Variants in RBFOX1 observed in about 807,000 individuals in gnomAD.
RBFOX1 encodes the protein RNA binding fox-1 homolog 1.
A neutral mutation model predicts 57.7 loss-of-function variants in RBFOX1; 8 were observed. The observed-to-expected ratio is 0.14, with a 90% CI of 0.08 to 0.25. The LOEUF is 0.25. RBFOX1 is among the 10% of genes least tolerant of loss of function. The pLI, the probability that RBFOX1 is intolerant of heterozygous loss-of-function variation, is 1.00. For synonymous variants in RBFOX1, 326 were observed against 222.4 expected, an observed-to-expected ratio of 1.47 and a Z score of -4.15; for missense variants, 611 against 548.5, an observed-to-expected ratio of 1.11 and a Z score of -1.14.
At chr16:7,495,958 T>G (rs1289924076) in intron 4 of RBFOX1, among the ~76,000 whole-genome samples, 1 of 152,212 alleles carries the variant, frequency 6.6e-6, no homozygotes, top group Non-Finnish European at 1.5e-5. Flanking sequence ...AATTTATGTT[T>G]GAATCCTGTA....
At chr16:5,414,228 T>C (rs2067099743) in intron 1 of RBFOX1, among the ~76,000 whole-genome samples, 1 of 152,152 alleles carries the variant, frequency 6.6e-6, no homozygotes, top group Non-Finnish European at 1.5e-5. Flanking sequence ...CAGGTTTTTC[T>C]CTTGGTGTGG....
chr16:6,023,534 G>A (rs1328350617), intron 1 of RBFOX1, among the ~76,000 whole-genome samples: 4 of 152,158 alleles, frequency 2.6e-5, no homozygotes, highest in African/African-American at 7.2e-5. Context: ...GCTGATGTGT[G>A]GAGTAATGAA....
chr16:6,095,612 T>A (rs1185157639), intron 1 of RBFOX1, among the ~76,000 whole-genome samples: 1 of 152,144 alleles, frequency 6.6e-6, no homozygotes, highest in African/African-American at 2.4e-5. Context: ...TGATAAAGCC[T>A]CTGCCTGTGC....
In RBFOX1 at chr16:6,244,590, G is replaced by A. The variant is rs146607437; in HGVS notation, c.-126-72405G>A. Reference sequence around the variant, plus strand: ...GCGATCTCAGCTCACTGCAATGTTCGCCTCTTGGGTCCCAGTTCAAGCAAT... The same window carrying A: ...GCGATCTCAGCTCACTGCAATGTTCACCTCTTGGGTCCCAGTTCAAGCAAT... On this transcript the variant is annotated intron_variant, in intron 1 of 15. Coordinates refer to ENST00000550418, the MANE Select transcript of RBFOX1 (RefSeq NM_018723.4). Among the ~76,000 whole-genome samples the A allele has an allele frequency of 4.8e-3, 727 of 152,216 alleles. 37 individuals carry two copies. The highest frequency in any genetic ancestry group is 0.045 in the Admixed American group (685 of 15,280).
chr16:6,021,031 G>A lies in RBFOX1; in HGVS notation c.-127+1039G>A, dbSNP rs571482067. Among the ~76,000 whole-genome samples, 16 of 152,304 alleles carry A rather than the reference G, an allele frequency of 1.1e-4. No individual in the cohort carries two copies. In the South Asian group the frequency reaches 3.3e-3, roughly 32 times the overall value. ...ACCTGCTGGCACTGGAACATCTGGG[G>A]TGCGGCTACTGAAGAGCTTGGAAAT... On this transcript the variant is annotated intron_variant, in intron 1 of 15. Transcript: ENST00000550418.
chr16:7,579,800 G>A lies in RBFOX1; in HGVS notation c.294G>A (p.Thr98=), dbSNP rs372977736. ...AGCAGACAGATGACGCAGCACCGACGGATGGCCAGCCCCAGACACAACCTT... is the reference window on the plus strand; with the variant it reads ...AGCAGACAGATGACGCAGCACCGACAGATGGCCAGCCCCAGACACAACCTT... ...TATQTDDAAP[T]DGQPQTQPSE... is the part of the protein sequence containing the mutation. Residue 98 remains threonine, a synonymous_variant, in exon 6 of 16, where the codon ACG becomes ACA. Transcript: ENST00000550418. The A allele has an allele frequency of 1.9e-5, 30 of 1,614,062 alleles. No individual in the cohort carries two copies. Among genetic ancestry groups the A allele is most frequent in the East Asian group, 4.5e-5 (2 of 44,862 alleles).
At chr16:5,621,452 C>T (rs2048198997) in intron 3 of RBFOX1, among the ~76,000 whole-genome samples, 1 of 152,086 alleles carries the variant, frequency 6.6e-6, no homozygotes, top group Non-Finnish European at 1.5e-5. Flanking sequence ...CTTGACAATG[C>T]TCTGTGAAGT....
chr16:5,989,753 T>C (rs1242430353), intron 4 of RBFOX1, among the ~76,000 whole-genome samples: 2 of 151,616 alleles, frequency 1.3e-5, no homozygotes, highest in South Asian at 4.2e-4. Context: ...CTTATCTTGG[T>C]CATGAGAATG....
intron 13 of RBFOX1, among the ~76,000 whole-genome samples, chr16:7,674,867 G>A (rs542006035): frequency 6.6e-6 from 1 of 152,330 alleles, no homozygotes; most frequent in South Asian, 2.1e-4. Context: ...TAAGGCAGAA[G>A]GTGGAGGATA....
chr16:5,444,883 T>C (rs2068195539), intron 1 of RBFOX1, among the ~76,000 whole-genome samples: 1 of 152,210 alleles, frequency 6.6e-6, no homozygotes, highest in Non-Finnish European at 1.5e-5. Context: ...GTTTACTCTA[T>C]GCTGTTACTA....
intron 3 of RBFOX1, among the ~76,000 whole-genome samples, chr16:6,832,612 A>T (rs1055387567): frequency 6.6e-6 from 1 of 152,102 alleles, no homozygotes; most frequent in Non-Finnish European, 1.5e-5. Context: ...TTTCTAAGTT[A>T]TTTACCTTTT....
At chr16:6,335,276 T>C (rs140782065) in intron 2 of RBFOX1, among the ~76,000 whole-genome samples, 1 of 152,212 alleles carries the variant, frequency 6.6e-6, no homozygotes, top group East Asian at 1.9e-4. Flanking sequence ...AAGGTGGTGG[T>C]CTTATGTTTG....
chr16:6,742,977 T>TTG (rs2072646718), intron 3 of RBFOX1, among the ~76,000 whole-genome samples: 1 of 152,196 alleles, frequency 6.6e-6, no homozygotes, highest in Non-Finnish European at 1.5e-5. Flanking sequence ...TCAATGTCAA[T>TTG]ATCATATAGT....
chr16:7,341,768 CTCCCTCCCTCCTTCCTTCCTTCCTTCCT>C (rs1290567378), intron 4 of RBFOX1, among the ~76,000 whole-genome samples: 31 of 99,100 alleles, frequency 3.1e-4, no homozygotes, highest in Non-Finnish European at 3.9e-4. Flanking sequence ...CCCTCCTTCC[CTCCCTCCCTCCTTCCTTCCTTCCTTCCT>C]TCCTTCCTTC....
intron 4 of RBFOX1, among the ~76,000 whole-genome samples, chr16:7,220,279 C>T (rs1366575299): frequency 2.6e-5 from 4 of 152,182 alleles, no homozygotes; most frequent in Admixed American, 6.6e-5. Flanking sequence ...TGGTCCTGCC[C>T]ATTTTTCCTG....
chr16:7,649,606 G>A (rs1339734309), intron 11 of RBFOX1, among the ~76,000 whole-genome samples: 1 of 152,190 alleles, frequency 6.6e-6, no homozygotes, highest in East Asian at 1.9e-4. Flanking sequence ...ACAGGACAGT[G>A]TTATAGAAGG....
chr16:6,579,152 A>T (rs1179936419), intron 2 of RBFOX1, among the ~76,000 whole-genome samples: 1 of 152,186 alleles, frequency 6.6e-6, no homozygotes, highest in Non-Finnish European at 1.5e-5. Flanking sequence ...TTAATGTTTT[A>T]TGCCAAGCTG....
intron 3 of RBFOX1, among the ~76,000 whole-genome samples, chr16:6,949,160 C>T (rs774901808): frequency 2.0e-5 from 3 of 151,968 alleles, no homozygotes; most frequent in Non-Finnish European, 4.4e-5. Context: ...CCTTCCCCCA[C>T]CCCCCTGAAA....
chr16:5,708,684 C>G (rs572109972), intron 3 of RBFOX1, among the ~76,000 whole-genome samples: 2 of 152,164 alleles, frequency 1.3e-5, no homozygotes, highest in Non-Finnish European at 2.9e-5. Flanking sequence ...CACATGCCAC[C>G]TACCATTGGT....
Sources: allele counts gnomAD v4.1 joint callset (sites outside exome capture counted in the v4.1 genomes callset), GRCh38; gene constraint gnomAD v4.1.1; transcripts MANE v1.5; gene names NCBI Gene and HGNC (gene_info 2026-07-23, HGNC 2026-07-21).